Variants in AP3B1 observed in about 807,000 individuals in gnomAD.
The protein encoded by AP3B1 is AP-3 complex subunit beta-1.
AP3B1 carries 61 observed loss-of-function variants against 132.5 expected under a neutral mutation model. The ratio of observed to expected loss-of-function variants is 0.46; its 90% confidence interval spans 0.37 to 0.57. The LOEUF (loss-of-function observed/expected upper bound fraction) is 0.57. Among genes scored for constraint, AP3B1 ranks in the 20% least tolerant of loss-of-function variants. The probability of loss-of-function intolerance (pLI) is 0.00; values close to 1 mark genes in which losing one functional copy is unlikely to be tolerated. For synonymous variants in AP3B1, 388 were observed against 438.3 expected (o/e 0.89, Z 1.43); for missense variants, 1,120 against 1,289.4 (o/e 0.87, Z 2.01).
chr5:78,007,722 A>C (rs1746456130), intron 26 of AP3B1, among the ~76,000 whole-genome samples: 1 of 152,230 alleles, frequency 6.6e-6, no homozygotes, highest in Non-Finnish European at 1.5e-5. Flanking sequence ...GAGTTATTAT[A>C]GTAGAACATT....
intron 17 of AP3B1, among the ~76,000 whole-genome samples, chr5:78,126,499 T>TG: frequency 1.7e-5 from 1 of 58,836 alleles, no homozygotes; most frequent in Non-Finnish European, 3.3e-5. Context: ...AGCAAGACTC[T>TG]GTCTCAAAAA....
intron 2 of AP3B1, among the ~76,000 whole-genome samples, chr5:78,261,528 C>T (rs1224238618): frequency 3.3e-5 from 5 of 152,168 alleles, no homozygotes; most frequent in African/African-American, 4.8e-5. Context: ...TGCAATGGCA[C>T]GACCTCGGCT....
Position 78,020,739 on chromosome 5 carries a change from AG to A in AP3B1, c.2944del (p.Leu982CysfsTer19). On this transcript the variant is annotated frameshift_variant, in exon 25 of 27. Coordinates refer to ENST00000255194, the MANE Select transcript of AP3B1 (RefSeq NM_003664.5). LOFTEE classifies it high-confidence loss of function. Reference protein sequence around the residue: ...NVNIQPPVGELLLPVAMSEKD... With the variant: ...NVNIQPPVGEXLLPVAMSEKD... ...CTCTGACATGGCCACAGGTAAAAGC[AG>A]TTCTCCAACAGGTGGCTGAATATTA... is the stretch of plus-strand genomic sequence containing the variant. 1 of 1,612,810 alleles carries A rather than the reference AG, an allele frequency of 6.2e-7. No homozygotes were observed. The highest frequency in any genetic ancestry group is 8.5e-7 in the Non-Finnish European group (1 of 1,179,294).
At chr5:78,172,743 G>A (rs1243801483) in intron 11 of AP3B1, among the ~76,000 whole-genome samples, 2 of 151,856 alleles carry the variant, frequency 1.3e-5, no homozygotes, top group Non-Finnish European at 2.9e-5. Context: ...GTTTTTGAAG[G>A]GTATTTCGTT....
At chr5:78,143,208 C>T (rs75854873) in intron 14 of AP3B1, among the ~76,000 whole-genome samples, 30 of 151,952 alleles carry the variant, frequency 2.0e-4, no homozygotes, top group African/African-American at 5.1e-4. Flanking sequence ...ATTAAAAAGA[C>T]GATCCCAAAA....
intron 1 of AP3B1, among the ~76,000 whole-genome samples, chr5:78,291,038 G>A (rs1192702781): frequency 2.6e-5 from 4 of 152,004 alleles, no homozygotes; most frequent in Non-Finnish European, 5.9e-5. Flanking sequence ...TAATACACAG[G>A]CCTTTTTAGC....
chr5:78,210,692 T>C (rs1458934543), intron 7 of AP3B1, among the ~76,000 whole-genome samples: 1 of 152,276 alleles, frequency 6.6e-6, no homozygotes, highest in South Asian at 2.1e-4. Flanking sequence ...AGTTCAGTTG[T>C]AAAAAGCTAG....
chr5:78,053,783 A>ATACT (rs1748692519), intron 22 of AP3B1, among the ~76,000 whole-genome samples: 2 of 151,794 alleles, frequency 1.3e-5, no homozygotes, highest in African/African-American at 4.8e-5. Flanking sequence ...TCTCTTGCTT[A>ATACT]TACTATACGA....
At chr5:78,221,085 G>A (rs1201425570) in intron 6 of AP3B1, among the ~76,000 whole-genome samples, 1 of 152,036 alleles carries the variant, frequency 6.6e-6, no homozygotes, top group Admixed American at 6.6e-5. Context: ...GAAAAATTTA[G>A]GCTGCTACAA....
At chr5:78,196,520 A>G (rs1005690512) in intron 7 of AP3B1, among the ~76,000 whole-genome samples, 3 of 152,198 alleles carry the variant, frequency 2.0e-5, no homozygotes, top group East Asian at 1.9e-4. Flanking sequence ...ACACTCCTTG[A>G]TATCTACCCA....
chr5:78,095,731 A>G (rs1750742966), intron 21 of AP3B1, among the ~76,000 whole-genome samples: 1 of 152,194 alleles, frequency 6.6e-6, no homozygotes, highest in Non-Finnish European at 1.5e-5. Context: ...CTATTTATCT[A>G]TTACAGCACC....
In AP3B1 at chr5:78,049,382, C is replaced by A. The variant is rs114987112; in HGVS notation, c.2578-10108G>T. ...CTCACCATTAATTTATTAATTCATT[C>A]TTTCATGTAAATAACATTTATTCAA... On this transcript the variant is annotated intron_variant, in intron 22 of 26. Transcript: ENST00000255194. 4.0e-3 allele frequency among the ~76,000 whole-genome samples: 611 copies of A among 152,296 alleles called. 1 individual carries two copies. Among genetic ancestry groups the A allele is most frequent in the Middle Eastern group, 0.014 (4 of 294 alleles).
At chr5:78,117,798 A>C (rs1751925341) in intron 17 of AP3B1, among the ~76,000 whole-genome samples, 1 of 152,250 alleles carries the variant, frequency 6.6e-6, no homozygotes, top group Non-Finnish European at 1.5e-5. Context: ...ACAGAGTATT[A>C]GTTTGCTTTT....
At chr5:78,127,974 C>G in intron 17 of AP3B1, 56 bp downstream of exon 17, 1 of 1,594,250 alleles carries the variant, frequency 6.3e-7, no homozygotes, top group Non-Finnish European at 8.6e-7. Context: ...AAAACAATAG[C>G]TATCCTAGAG....
chr5:78,181,135 T>C (rs1169272088), intron 8 of AP3B1, among the ~76,000 whole-genome samples: 2 of 152,098 alleles, frequency 1.3e-5, no homozygotes, highest in Admixed American at 6.5e-5. Flanking sequence ...ATAGTTCTTA[T>C]ATAAGAGCTA....
intron 17 of AP3B1, among the ~76,000 whole-genome samples, chr5:78,119,704 C>G (rs1224188010): frequency 6.6e-6 from 1 of 152,202 alleles, no homozygotes; most frequent in Non-Finnish European, 1.5e-5. Flanking sequence ...AAGACCAAAT[C>G]TACGTCTCAT....
At chr5:78,265,070 A>C (rs2112558950) in intron 2 of AP3B1, among the ~76,000 whole-genome samples, 1 of 152,362 alleles carries the variant, frequency 6.6e-6, no homozygotes, top group East Asian at 1.9e-4. Flanking sequence ...TGTCAGTTAT[A>C]AATTTATAGG....
chr5:78,151,337 T>C (rs907095986), intron 14 of AP3B1, among the ~76,000 whole-genome samples: 1 of 152,222 alleles, frequency 6.6e-6, no homozygotes, highest in African/African-American at 2.4e-5. Flanking sequence ...ACTTCTTCCT[T>C]TCCAATGTGG....
chr5:78,123,357 T>TA (rs1390551589), intron 17 of AP3B1, among the ~76,000 whole-genome samples: 1 of 152,024 alleles, frequency 6.6e-6, no homozygotes, highest in Non-Finnish European at 1.5e-5. Flanking sequence ...GGGACGTAAT[T>TA]AAACTAAAGA....
Sources: allele counts gnomAD v4.1 joint callset (sites outside exome capture counted in the v4.1 genomes callset), GRCh38; gene constraint gnomAD v4.1.1; transcripts MANE v1.5; gene names NCBI Gene and HGNC (gene_info 2026-07-23, HGNC 2026-07-21).